HSD17B2: variants seen among roughly 807,000 people sequenced by gnomAD.
The protein encoded by HSD17B2 is hydroxysteroid 17-beta dehydrogenase 2.
HSD17B2 carries 32 observed loss-of-function variants against 26.9 expected under a neutral mutation model. That is an observed-to-expected ratio of 1.19 (90% confidence interval 0.90 to 1.60). The LOEUF (loss-of-function observed/expected upper bound fraction) is 1.60, where lower values mean the gene tolerates loss of function less well. Among genes scored for constraint, HSD17B2 ranks in the 40% most tolerant of loss-of-function variants. The pLI is 0.00. For missense variants in HSD17B2, 613 were observed against 468.6 expected, an observed-to-expected ratio of 1.31 and a Z score of -2.85; for synonymous variants, 246 against 186.7, an observed-to-expected ratio of 1.32 and a Z score of -2.59.
At chr16:82,096,079 T>TA (rs1378967316) in intron 4 of HSD17B2, 1 of 152,168 alleles carries the variant, frequency 6.6e-6, no homozygotes, top group African/African-American at 2.4e-5. Flanking sequence ...GTCTTTATTT[T>TA]AAAAATATAT....
Position 82,068,351 on chromosome 16 carries a change from C to A in HSD17B2, c.447C>A (p.Tyr149Ter). 2 of 1,613,474 alleles carry A rather than the reference C, an allele frequency of 1.2e-6. No homozygotes were observed. The highest frequency in any genetic ancestry group is 1.7e-4 in the Middle Eastern group (1 of 5,758). Residue 149 changes from tyrosine (Y) to a stop codon, truncating the protein, a stop_gained, in exon 2 of 5, where the codon TAC becomes TAA. Transcript: ENST00000199936. LOFTEE classifies it high-confidence loss of function. ...AGCCAGTGCAGATAAAAGATGCTTACAGCAAGGTTGCAGCAATGCTGCAGG... is the reference window on the plus strand; with the variant it reads ...AGCCAGTGCAGATAAAAGATGCTTAAAGCAAGGTTGCAGCAATGCTGCAGG... ...ITKPVQIKDA[Y>*]SKVAAMLQDR...
chr16:82,062,052 C>T (rs1052299692), intron 1 of HSD17B2, among the ~76,000 whole-genome samples: 4 of 152,282 alleles, frequency 2.6e-5, no homozygotes, highest in East Asian at 1.9e-4. Flanking sequence ...GGGGTGTTTC[C>T]GTTCACCAGC....
intron 2 of HSD17B2, among the ~76,000 whole-genome samples, chr16:82,068,656 C>T (rs758814739): frequency 2.6e-5 from 4 of 152,184 alleles, no homozygotes; most frequent in Non-Finnish European, 5.9e-5. Context: ...TCCTCCAGCC[C>T]CAGCTCATTG....
Position 82,059,544 on chromosome 16 carries a change from G to A in HSD17B2, c.266-8626G>A, listed in dbSNP as rs543472474. Among the ~76,000 whole-genome samples, 3 of 152,296 alleles carry A rather than the reference G, an allele frequency of 2.0e-5. No homozygotes were observed. In the East Asian group the frequency reaches 5.8e-4, roughly 29 times the overall value. The stretch of plus-strand genomic sequence containing the variant: ...CATTGACTTTTTTTTAGATTGTAGT[G>A]GGATTGAGGAGTGAGAACCTCTTTC... On this transcript the variant is annotated intron_variant, in intron 1 of 4. Coordinates refer to ENST00000199936, the MANE Select transcript of HSD17B2 (RefSeq NM_002153.3).
intron 4 of HSD17B2, 170 bp downstream of exon 4, chr16:82,091,209 G>A (rs1469651103): frequency 1.4e-6 from 1 of 736,474 alleles, no homozygotes; most frequent in Non-Finnish European, 2.4e-6. Context: ...GCTGACAGTA[G>A]GGGAAAGAGC....
At position 82,090,892 on chromosome 16, in the gene HSD17B2, A is replaced by G. The variant is rs764061760; in HGVS notation, c.665-10A>G. 5 of 1,597,568 alleles carry G rather than the reference A, an allele frequency of 3.1e-6. No individual in the cohort carries two copies. In the Admixed American group the frequency reaches 8.9e-5, roughly 29 times the overall value. The stretch of plus-strand genomic sequence containing the variant: ...TAACTTTGCTTCTTTTTCTCCCATT[A>G]TTCCCATAGGAGGGGCCCCAATGGA... On this transcript the variant is annotated splice_polypyrimidine_tract_variant and intron_variant, in intron 3 of 4. Coordinates refer to ENST00000199936, the MANE Select transcript of HSD17B2 (RefSeq NM_002153.3).
intron 4 of HSD17B2, chr16:82,092,923 C>G (rs1186118494): frequency 6.6e-6 from 1 of 152,146 alleles, no homozygotes; most frequent in Non-Finnish European, 1.5e-5. Context: ...AGAATTCCAA[C>G]ACACAGATGT....
At chr16:82,046,960 C>A (rs929674607) in intron 1 of HSD17B2, among the ~76,000 whole-genome samples, 12 of 152,196 alleles carry the variant, frequency 7.9e-5, no homozygotes, top group African/African-American at 2.9e-4. Context: ...CAAGTGTGCT[C>A]CCCTTGAGGG....
intron 3 of HSD17B2, among the ~76,000 whole-genome samples, chr16:82,081,008 C>T (rs1328188638): frequency 6.6e-6 from 1 of 151,876 alleles, no homozygotes; most frequent in Non-Finnish European, 1.5e-5. Flanking sequence ...CTGGTTACTT[C>T]CCCCTCCCTG....
chr16:82,035,535 G>C lies in HSD17B2; in HGVS notation c.111G>C (p.Trp37Cys). Residue 37 changes from tryptophan (W) to cysteine (C), a missense_variant, in exon 1 of 5, where the codon TGG (tryptophan) becomes TGC (cysteine). Physicochemically the swap from Trp to Cys is radical, Grantham distance 215. Coordinates refer to ENST00000199936, the MANE Select transcript of HSD17B2 (RefSeq NM_002153.3). The part of the protein sequence containing the change: ...YKKSSGQLWS[W>C]MVCLAGLCAV... ...AGAGCTCAGGGCAGCTGTGGAGCTG[G>C]ATGGTCTGCCTGGCAGGCCTCTGTG... The C allele has an allele frequency of 1.9e-6, 3 of 1,614,084 alleles. No homozygotes were observed. Among genetic ancestry groups the C allele is most frequent in the Non-Finnish European group, 2.5e-6 (3 of 1,180,042 alleles).
At chr16:82,070,850 G>C in intron 2 of HSD17B2, 92 bp from the exon 3 acceptor site, 1 of 1,240,392 alleles carries the variant, frequency 8.1e-7, no homozygotes, top group Non-Finnish European at 1.1e-6. Context: ...TGGCTCACAC[G>C]TAACACCTCT....
chr16:82,051,692 A>G (rs1567580327), intron 1 of HSD17B2, among the ~76,000 whole-genome samples: 1 of 152,208 alleles, frequency 6.6e-6, no homozygotes, highest in Non-Finnish European at 1.5e-5. Flanking sequence ...GCTATGTAAC[A>G]AACCTGTAAG....
At chr16:82,086,027 G>A (rs1904518954) in intron 3 of HSD17B2, among the ~76,000 whole-genome samples, 1 of 152,050 alleles carries the variant, frequency 6.6e-6, no homozygotes, top group African/African-American at 2.4e-5. Context: ...ACTACTGGTA[G>A]AAATATAAAA....
At chr16:82,096,774 A>G (rs1904852163) in intron 4 of HSD17B2, 2 of 152,194 alleles carry the variant, frequency 1.3e-5, no homozygotes, top group African/African-American at 4.8e-5. Flanking sequence ...TGGCATTTTT[A>G]TGCAACGGAA....
In HSD17B2 at chr16:82,040,806, AG is replaced by A. The variant is rs1298251244; in HGVS notation, c.265+5120del. On this transcript the variant is annotated intron_variant, in intron 1 of 4. Transcript: ENST00000199936. The stretch of plus-strand genomic sequence containing the variant: ...TCAGAACTGAGTCTGAGAGCAGTGA[AG>A]GGTAGTTCAAGTGAAGTGTCACTGG... Among the ~76,000 whole-genome samples the A allele has an allele frequency of 3.3e-5, 5 of 152,318 alleles. No individual in the cohort carries two copies. The East Asian group carries it at 7.7e-4, about 23-fold the overall frequency.
At chr16:82,043,996 T>A (rs1170996862) in intron 1 of HSD17B2, among the ~76,000 whole-genome samples, 1 of 152,264 alleles carries the variant, frequency 6.6e-6, no homozygotes, top group Non-Finnish European at 1.5e-5. Flanking sequence ...ACATGTGGAC[T>A]GCATCATATC....
At chr16:82,093,407 T>C (rs887169374) in intron 4 of HSD17B2, 7 of 152,232 alleles carry the variant, frequency 4.6e-5, no homozygotes, top group African/African-American at 1.7e-4. Flanking sequence ...ATATTCTGAT[T>C]AGACAATTTA....
chr16:82,084,068 C>T (rs1904452849), intron 3 of HSD17B2, among the ~76,000 whole-genome samples: 1 of 152,102 alleles, frequency 6.6e-6, no homozygotes, highest in Non-Finnish European at 1.5e-5. Context: ...CTAAAATGAC[C>T]CAGGCCTCAG....
chr16:82,093,746 A>G (rs1187625692), intron 4 of HSD17B2: 1 of 152,192 alleles, frequency 6.6e-6, no homozygotes, highest in African/African-American at 2.4e-5. Context: ...TAAAGGAATA[A>G]AAGAATGCCT....
Sources: gnomAD v4.1 joint callset for allele counts (sites outside exome capture counted in the v4.1 genomes callset) on GRCh38, gnomAD v4.1.1 for gene constraint, MANE v1.5 for transcripts, NCBI Gene and HGNC (gene_info 2026-07-23, HGNC 2026-07-21) for gene names.